PHLDB1: variants seen among roughly 807,000 people sequenced by gnomAD.
PHLDB1 encodes pleckstrin homology like domain family B member 1, also known as pleckstrin homology-like domain family B member 1.
Under a neutral mutation model 139.3 loss-of-function variants are expected in PHLDB1, and 65 were observed. That is an observed-to-expected ratio of 0.47 (90% CI 0.38 to 0.57). PHLDB1 has a LOEUF of 0.57. Among genes scored for constraint, PHLDB1 ranks in the 20% least tolerant of loss-of-function variants. The pLI, the probability that PHLDB1 is intolerant of heterozygous loss-of-function variation, is 0.00. For missense variants in PHLDB1, 1,624 were observed against 1,839.7 expected (o/e 0.88, Z 2.14); for synonymous variants, 679 against 734.5 (o/e 0.92, Z 1.22).
At chr11:118,607,240 A>G (rs981596163), upstream of PHLDB1, among the ~76,000 whole-genome samples, 2 of 150,532 alleles carry the variant, frequency 1.3e-5, no homozygotes, top group African/African-American at 4.9e-5. Flanking sequence ...ACGGATTGTC[A>G]AAAACACCCT....
intron 4 of PHLDB1, among the ~76,000 whole-genome samples, chr11:118,619,612 C>G (rs1410360177): frequency 6.6e-6 from 1 of 152,226 alleles, no homozygotes; most frequent in Non-Finnish European, 1.5e-5. Flanking sequence ...CTGCCTAGGT[C>G]TATCCAGCTG....
rs1944097671 is a variant in PHLDB1 at position 118,627,612 on chromosome 11, C to T, written c.789C>T (p.Ser263=). 3 of 1,613,222 alleles carry T rather than the reference C, an allele frequency of 1.9e-6. No homozygotes were observed. Among genetic ancestry groups the T allele is most frequent in the African/African-American group, 1.3e-5 (1 of 74,934 alleles). The part of the protein sequence containing the change: ...PAFSPLSSPA[S]SGSCASHSPS... ...TCTCTCCACTCTCTTCACCAGCCAG[C>T]AGTGGAAGCTGTGCCAGTCACTCAC... Residue 263 remains serine, a synonymous_variant, in exon 6 of 23, where the codon AGC becomes AGT. Coordinates refer to ENST00000600882, the MANE Select transcript of PHLDB1 (RefSeq NM_001144758.3).
At chr11:118,609,019 A>T (rs1384269692) in intron 1 of PHLDB1, among the ~76,000 whole-genome samples, 1 of 126,720 alleles carries the variant, frequency 7.9e-6, no homozygotes, top group Non-Finnish European at 1.7e-5. Flanking sequence ...CCCAGCTCTC[A>T]CACACACACC....
chr11:118,628,327 C>A lies in PHLDB1; in HGVS notation c.1504C>A (p.Pro502Thr). 1 of 1,613,048 alleles carries A rather than the reference C, an allele frequency of 6.2e-7. No homozygotes were observed. Among genetic ancestry groups the A allele is most frequent in the East Asian group, 2.2e-5 (1 of 44,852 alleles). Residue 502 changes from proline to threonine, a missense_variant, in exon 6 of 23, where the codon CCA becomes ACA. Coordinates refer to ENST00000600882, the MANE Select transcript of PHLDB1 (RefSeq NM_001144758.3). Reference sequence around the variant, plus strand: ...GCGCTGGGCAGCCCATGGGGCTTCACCAGAGGACTTCTCCCTGACGCTGGG... The same window carrying A: ...GCGCTGGGCAGCCCATGGGGCTTCAACAGAGGACTTCTCCCTGACGCTGGG... Reference protein sequence around the residue: ...PRRWAAHGASPEDFSLTLGAR... With the variant: ...PRRWAAHGASTEDFSLTLGAR...
Position 118,624,995 on chromosome 11 carries a change from G to C in PHLDB1, c.417G>C (p.Lys139Asn). 1 of 1,614,078 alleles carries C rather than the reference G, an allele frequency of 6.2e-7. No individual in the cohort carries two copies. Among genetic ancestry groups the C allele is most frequent in the South Asian group, 1.1e-5 (1 of 91,074 alleles). ...FLRFNHPAEA[K>N]WMKSMIPAGG... ...GCTTTAACCACCCGGCTGAAGCCAAGTGGATGAAAAGCATGATTCCAGCAG... is the reference window on the plus strand; with the variant it reads ...GCTTTAACCACCCGGCTGAAGCCAACTGGATGAAAAGCATGATTCCAGCAG... The change falls in exon 5 of 23, where the codon AAG becomes AAC. Residue 139 changes from lysine to asparagine, a missense_variant. Physicochemically the swap from Lys to Asn is moderately conservative, Grantham distance 94. Coordinates refer to ENST00000600882, the MANE Select transcript of PHLDB1 (RefSeq NM_001144758.3).
At position 118,613,886 on chromosome 11, in the gene PHLDB1, C is replaced by T; in HGVS notation, c.50C>T (p.Thr17Ile). ...NQIGPGCQTQ[T>I]MVQKGPLDLI... is the part of the protein sequence containing the mutation. ...ATAGGCCCTGGATGCCAGACCCAGA[C>T]CATGGTGCAGGTGAGTGGGATCAGG... is the stretch of plus-strand genomic sequence containing the variant. Residue 17 changes from threonine to isoleucine, a missense_variant, in exon 2 of 23, where the codon ACC becomes ATC. Coordinates refer to ENST00000600882, the MANE Select transcript of PHLDB1 (RefSeq NM_001144758.3). The T allele has an allele frequency of 6.2e-7, 1 of 1,606,384 alleles. No individual in the cohort carries two copies. Among genetic ancestry groups the T allele is most frequent in the Non-Finnish European group, 8.5e-7 (1 of 1,173,378 alleles).
At chr11:118,635,680 C>A in intron 10 of PHLDB1, 132 bp downstream of exon 10, 1 of 817,952 alleles carries the variant, frequency 1.2e-6, no homozygotes, top group Non-Finnish European at 1.8e-6. Context: ...AGAATTACAA[C>A]AGGTTGTTGT....
intron 6 of PHLDB1, chr11:118,630,127 C>A: frequency 8.4e-7 from 1 of 1,186,824 alleles, no homozygotes; most frequent in Non-Finnish European, 1.1e-6. Context: ...CCACTTCCTG[C>A]GGTTTGGGTT....
chr11:118,654,503 T>G (rs1948751303), intron 20 of PHLDB1: 1 of 152,180 alleles, frequency 6.6e-6, no homozygotes, highest in African/African-American at 2.4e-5. Flanking sequence ...TTTATAAATC[T>G]CTTGTGTATC....
At chr11:118,655,991 A>C in intron 22 of PHLDB1, 99 bp downstream of exon 22, 2 of 893,654 alleles carry the variant, frequency 2.2e-6, no homozygotes, top group Admixed American at 3.7e-5. Flanking sequence ...CCCTTCCCCC[A>C]GGCCCAAGGG....
At chr11:118,651,941 A>C (rs1011991521) in intron 20 of PHLDB1, 1 of 152,386 alleles carries the variant, frequency 6.6e-6, no homozygotes, top group African/African-American at 2.4e-5. Context: ...TTCTGGCCAC[A>C]GTGGCAGAGG....
rs376321013 is a variant in PHLDB1, at chr11:118,614,580, G to A, written c.82G>A (p.Glu28Lys). Residue 28 changes from glutamate to lysine, a missense_variant, in exon 3 of 23, where the codon GAG becomes AAG. Transcript: ENST00000600882. ...ACAGAAAGGACCCTTGGACCTGATC[G>A]AGACAGGCAAAGGGCTGAAAGTGCA... ...MVQKGPLDLI[E>K]TGKGLKVQTD... The A allele has an allele frequency of 4.7e-5, 76 of 1,613,814 alleles. No individual in the cohort carries two copies. Among genetic ancestry groups the A allele is most frequent in the Non-Finnish European group, 5.7e-5 (67 of 1,179,946 alleles).
At chr11:118,614,365 G>C (rs1296306698) in intron 2 of PHLDB1, among the ~76,000 whole-genome samples, 194 bp from the exon 3 acceptor site, 2 of 150,774 alleles carry the variant, frequency 1.3e-5, no homozygotes. Context: ...AGTGGGATGA[G>C]TTAGTGGCCT....
chr11:118,643,964 G>A, intron 14 of PHLDB1, 24 bp downstream of exon 14: 1 of 1,590,396 alleles, frequency 6.3e-7, no homozygotes, highest in Non-Finnish European at 8.6e-7. Flanking sequence ...GGGTGGGGCT[G>A]CACATGTGGC....
chr11:118,624,914 A>G lies in PHLDB1; in HGVS notation c.356-20A>G, dbSNP rs1555099446. 2 of 1,613,480 alleles carry G rather than the reference A, an allele frequency of 1.2e-6. No homozygotes were observed. Among genetic ancestry groups the G allele is most frequent in the East Asian group, 4.5e-5 (2 of 44,860 alleles). On this transcript the variant is annotated intron_variant, in intron 4 of 22. Transcript: ENST00000600882. Reference sequence around the variant, plus strand: ...TGTGAGCCACCACACCTGGTCTTCAAGTGTTTGCTTTCTCTGCAGGCTGCA... The same window carrying G: ...TGTGAGCCACCACACCTGGTCTTCAGGTGTTTGCTTTCTCTGCAGGCTGCA...
intron 20 of PHLDB1, chr11:118,653,463 G>A (rs1555139133): frequency 6.6e-6 from 1 of 152,168 alleles, no homozygotes; most frequent in Non-Finnish European, 1.5e-5. Context: ...ATCCAGGAGT[G>A]TAATGATATA....
In PHLDB1 at chr11:118,608,418, C is replaced by T. The variant is rs2135581588; in HGVS notation, c.-22+719C>T. Among the ~76,000 whole-genome samples the T allele has an allele frequency of 6.6e-6, 1 of 152,286 alleles. No homozygotes were observed. The highest frequency in any genetic ancestry group is 6.5e-5 in the Admixed American group (1 of 15,308). On this transcript the variant is annotated intron_variant, in intron 1 of 22. Transcript: ENST00000600882. This position sits in a 1 kb window ranked among gnomAD's most constrained non-coding sequence, Gnocchi z 6.7. Reference sequence around the variant, plus strand: ...CTGACCCAAGTCATCCGGGCTCCCCCGGGATAGGGAAGTGCGGGCGGGCGG... The same window carrying T: ...CTGACCCAAGTCATCCGGGCTCCCCTGGGATAGGGAAGTGCGGGCGGGCGG...
At chr11:118,644,661 G>A (rs557716189) in intron 15 of PHLDB1, 17 of 1,289,416 alleles carry the variant, frequency 1.3e-5, no homozygotes, top group East Asian at 5.6e-5. Flanking sequence ...GTCGCTTCCC[G>A]CCGAGCCCCT....
At chr11:118,618,738 G>A (rs558217803) in intron 4 of PHLDB1, among the ~76,000 whole-genome samples, 2 of 151,804 alleles carry the variant, frequency 1.3e-5, no homozygotes, top group South Asian at 2.1e-4. Context: ...CCTTGTAGAC[G>A]GGACCCTCCT....
Sources: allele counts gnomAD v4.1 joint callset (sites outside exome capture counted in the v4.1 genomes callset), GRCh38; gene constraint gnomAD v4.1.1; non-coding constraint Gnocchi (gnomAD v3.1); transcripts MANE v1.5; gene names NCBI Gene and HGNC (gene_info 2026-07-23, HGNC 2026-07-21).